Variants in NAA11 observed in about 807,000 individuals in gnomAD.
The protein encoded by NAA11 is N-alpha-acetyltransferase 11, NatA catalytic subunit.
In NAA11, 15 loss-of-function variants were observed where a neutral mutation model predicts 16.1. The observed-to-expected ratio is 0.93, with a 90% CI of 0.62 to 1.44. NAA11 has a LOEUF of 1.44. Ranked by LOEUF, NAA11 falls within the 40% of genes most tolerant of loss-of-function variation. NAA11 has a pLI of 0.00. For missense variants in NAA11, 298 were observed against 291.3 expected, an observed-to-expected ratio of 1.02 and a Z score of -0.17; for synonymous variants, 122 against 112.4, an observed-to-expected ratio of 1.09 and a Z score of -0.54.
chr4:79,161,735 C>T, the NAA11 span, among the ~76,000 whole-genome samples: 1 of 151,214 alleles, frequency 6.6e-6, no homozygotes, highest in Non-Finnish European at 1.5e-5. Context: ...AGTGCAGTGG[C>T]ATGATCTCGG....
chr4:79,244,770 G>C (rs1405923155), intron 2 of NAA11: 1 of 152,940 alleles, frequency 6.5e-6, no homozygotes, highest in Admixed American at 6.6e-5. Flanking sequence ...TGGGATTGCA[G>C]GCGCCCACCG....
At chr4:79,258,809 T>A (rs1722184886) in intron 2 of NAA11, 3 of 153,476 alleles carry the variant, frequency 2.0e-5, no homozygotes, top group Non-Finnish European at 4.4e-5. Flanking sequence ...CATGGACCAA[T>A]CAGCACATAC....
the NAA11 span, among the ~76,000 whole-genome samples, chr4:79,217,629 T>C: frequency 2.0e-5 from 3 of 152,156 alleles, no homozygotes; most frequent in African/African-American, 7.2e-5. Context: ...ACATGAATTA[T>C]TATAGTGAAT....
the NAA11 span, among the ~76,000 whole-genome samples, chr4:79,166,915 A>G: frequency 2.4e-3 from 345 of 145,544 alleles, 1 homozygote; most frequent in African/African-American, 8.4e-3. Flanking sequence ...CTGGCCAGAA[A>G]TCATCTGATC....
intron 1 of NAA11, among the ~76,000 whole-genome samples, chr4:79,320,731 A>C (rs1724065457): frequency 6.6e-6 from 1 of 152,216 alleles, no homozygotes; most frequent in Non-Finnish European, 1.5e-5. Flanking sequence ...GCTCAGCATC[A>C]CTTCTAACTC....
intron 1 of NAA11, among the ~76,000 whole-genome samples, chr4:79,305,573 G>C (rs1244545834): frequency 2.6e-5 from 4 of 152,138 alleles, no homozygotes; most frequent in African/African-American, 9.7e-5. Context: ...AGGATGTCCT[G>C]GTTCACAAAA....
chr4:79,288,269 T>C (rs1211555465), intron 2 of NAA11, among the ~76,000 whole-genome samples: 8 of 152,136 alleles, frequency 5.3e-5, no homozygotes, highest in Non-Finnish European at 8.8e-5. Flanking sequence ...AATTAATACA[T>C]AAAGTACCAA....
chr4:79,176,434 C>T, the NAA11 span, among the ~76,000 whole-genome samples: 7 of 151,918 alleles, frequency 4.6e-5, no homozygotes, highest in Non-Finnish European at 1.0e-4. Flanking sequence ...ATCTGATGGG[C>T]GAGGCTGGCA....
At chr4:79,183,832 A>G in the NAA11 span, among the ~76,000 whole-genome samples, 1 of 152,116 alleles carries the variant, frequency 6.6e-6, no homozygotes, top group Non-Finnish European at 1.5e-5. Context: ...CTAGGATTCT[A>G]AGGATGTTTT....
chr4:79,221,551 C>T (rs1174224961), downstream of NAA11, among the ~76,000 whole-genome samples: 319 of 133,292 alleles, frequency 2.4e-3, 2 homozygotes, highest in African/African-American at 8.1e-3. Flanking sequence ...TACGTCCCAT[C>T]GATACCTAAT....
chr4:79,295,600 C>T (rs912131724), intron 1 of NAA11, among the ~76,000 whole-genome samples: 18 of 152,236 alleles, frequency 1.2e-4, no homozygotes, highest in Non-Finnish European at 1.8e-4. Flanking sequence ...CCCCCCAAAC[C>T]GTAATATCCC....
intron 2 of NAA11, among the ~76,000 whole-genome samples, chr4:79,290,540 C>T (rs574185351): frequency 2.6e-5 from 4 of 152,216 alleles, no homozygotes; most frequent in East Asian, 1.9e-4. Flanking sequence ...TTGATTGTCT[C>T]GGTTTCTTCT....
At chr4:79,205,007 A>G in the NAA11 span, among the ~76,000 whole-genome samples, 17 of 151,926 alleles carry the variant, frequency 1.1e-4, no homozygotes, top group Admixed American at 5.9e-4. Flanking sequence ...AATTGCATAT[A>G]TATGATTTCT....
In NAA11 at chr4:79,228,413, T is replaced by C. The variant is rs978352597; in HGVS notation, c.*123-2143A>G. On this transcript the variant is annotated intron_variant and NMD_transcript_variant, in intron 2 of 2. Transcript: ENST00000511542. ...CACAGTTCTATTTGTTTTGACAAGCTCACACAGTCATGTAACCATCACCAC... is the reference window on the plus strand; with the variant it reads ...CACAGTTCTATTTGTTTTGACAAGCCCACACAGTCATGTAACCATCACCAC... Among the ~76,000 whole-genome samples the C allele has an allele frequency of 9.2e-5, 14 of 152,102 alleles. No homozygotes were observed. The East Asian group carries it at 1.7e-3, about 19-fold the overall frequency.
intron 1 of NAA11, among the ~76,000 whole-genome samples, chr4:79,307,911 TG>T (rs1723636757): frequency 6.6e-6 from 1 of 152,196 alleles, no homozygotes; most frequent in South Asian, 2.1e-4. Context: ...ATATTGAAAA[TG>T]TATGGACCAA....
chr4:79,247,970 A>G lies in NAA11; in HGVS notation c.*123-21700T>C, dbSNP rs1488195459. On this transcript the variant is annotated intron_variant and NMD_transcript_variant, in intron 2 of 2. Coordinates refer to the NAA11 transcript ENST00000511542. The stretch of plus-strand genomic sequence containing the variant: ...TGTCTGTAGTGGAGCACAGCCAGGG[A>G]TGCCCATCTCCCAAGGCTTGCCTTG... Among the ~76,000 whole-genome samples, 6 of 152,188 alleles carry G rather than the reference A, an allele frequency of 3.9e-5. No individual in the cohort carries two copies. The South Asian group carries it at 1.2e-3, about 31-fold the overall frequency.
At chr4:79,180,927 G>A in the NAA11 span, among the ~76,000 whole-genome samples, 1 of 152,120 alleles carries the variant, frequency 6.6e-6, no homozygotes, top group Non-Finnish European at 1.5e-5. Context: ...CATGTCCTTT[G>A]TAGTGACATG....
At chr4:79,159,628 T>G in the NAA11 span, among the ~76,000 whole-genome samples, 1 of 152,168 alleles carries the variant, frequency 6.6e-6, no homozygotes, top group African/African-American at 2.4e-5. Flanking sequence ...GAAAAGTAAT[T>G]ACAGTTTCCT....
chr4:79,230,097 T>C (rs1350904716), intron 2 of NAA11, among the ~76,000 whole-genome samples: 3 of 152,144 alleles, frequency 2.0e-5, no homozygotes, highest in African/African-American at 7.2e-5. Context: ...TTCCATGGTG[T>C]ATATGTGCCA....
Sources: allele counts gnomAD v4.1 joint callset (sites outside exome capture counted in the v4.1 genomes callset), GRCh38; gene constraint gnomAD v4.1.1; transcripts MANE v1.5; gene names NCBI Gene and HGNC (gene_info 2026-07-23, HGNC 2026-07-21).